The following COX7B2 variants were observed in gnomAD, a reference collection of about 807,000 sequenced individuals.
The protein encoded by COX7B2 is cytochrome c oxidase subunit 7B2, mitochondrial.
For missense variants in COX7B2, 109 were observed against 95.9 expected (o/e 1.14, Z -0.57); for synonymous variants, 37 against 32.1 (o/e 1.15, Z -0.51).
At chr4:46,850,462 G>C (rs1716603298) in intron 1 of COX7B2, among the ~76,000 whole-genome samples, 1 of 151,902 alleles carries the variant, frequency 6.6e-6, no homozygotes, top group Non-Finnish European at 1.5e-5. Context: ...AAAATTTCTT[G>C]TACTTTCAAA....
intron 2 of COX7B2, among the ~76,000 whole-genome samples, chr4:46,748,358 G>A (rs1715148119): frequency 6.6e-6 from 1 of 152,040 alleles, no homozygotes; most frequent in South Asian, 2.1e-4. Context: ...TTTAACTGAA[G>A]AAAATAGTCT....
intron 1 of COX7B2, among the ~76,000 whole-genome samples, chr4:46,855,384 C>G (rs1028182489): frequency 6.6e-6 from 1 of 151,850 alleles, no homozygotes; most frequent in African/African-American, 2.4e-5. Context: ...TGCCTGTGTA[C>G]TTTTCTCTCT....
chr4:46,751,248 T>G (rs1715355700), intron 2 of COX7B2, among the ~76,000 whole-genome samples: 1 of 152,112 alleles, frequency 6.6e-6, no homozygotes, highest in South Asian at 2.1e-4. Flanking sequence ...ATCTACTGTT[T>G]CAATTACTTC....
At chr4:46,810,041 A>G (rs1287957581) in intron 2 of COX7B2, among the ~76,000 whole-genome samples, 2 of 152,156 alleles carry the variant, frequency 1.3e-5, no homozygotes, top group Admixed American at 1.3e-4. Flanking sequence ...ATTCTATCAG[A>G]TAAGTATAGC....
chr4:46,846,879 T>A (rs796321510), intron 1 of COX7B2, among the ~76,000 whole-genome samples: 112 of 152,118 alleles, frequency 7.4e-4, no homozygotes, highest in African/African-American at 2.5e-3. Context: ...TCTGAGTAAC[T>A]GAGCTGGCAT....
intron 1 of COX7B2, among the ~76,000 whole-genome samples, chr4:46,862,566 T>C (rs932035454): frequency 6.6e-6 from 1 of 152,200 alleles, no homozygotes; most frequent in African/African-American, 2.4e-5. Flanking sequence ...TAAAACTGGG[T>C]TTAAAATTAT....
At chr4:46,755,884 G>T (rs1460809496) in intron 2 of COX7B2, among the ~76,000 whole-genome samples, 2 of 151,882 alleles carry the variant, frequency 1.3e-5, no homozygotes, top group Non-Finnish European at 2.9e-5. Flanking sequence ...TTATCACACA[G>T]CCCAAAATAA....
At chr4:46,759,909 A>T (rs573240819) in intron 2 of COX7B2, among the ~76,000 whole-genome samples, 61 of 150,860 alleles carry the variant, frequency 4.0e-4, no homozygotes, top group African/African-American at 1.5e-3. Context: ...GTCTTATCTT[A>T]TATAAGTTAT....
chr4:46,889,718 T>C (rs552328315), intron 1 of COX7B2, among the ~76,000 whole-genome samples: 2 of 152,312 alleles, frequency 1.3e-5, no homozygotes, highest in African/African-American at 4.8e-5. Context: ...AGTCAAATTC[T>C]CTCAGCTTTT....
Position 46,735,154 on chromosome 4 carries a change from G to C in COX7B2, c.39C>G (p.Leu13=), listed in dbSNP as rs1714287626. The C allele has an allele frequency of 6.2e-7, 1 of 1,613,386 alleles. No individual in the cohort carries two copies. The highest frequency in any genetic ancestry group is 8.5e-7 in the Non-Finnish European group (1 of 1,179,800). The change falls in exon 3 of 3, where the codon CTC becomes CTG. Residue 13 remains leucine, a synonymous_variant. Transcript: ENST00000355591. ...FPLARNALSS[L]KIQSILQSMA... ...TGCTTTGCAGAATGCTTTGAATCTT[G>C]AGACTGCTTAGTGCATTTCTGGCCA... is the stretch of plus-strand genomic sequence containing the variant.
intron 1 of COX7B2, among the ~76,000 whole-genome samples, chr4:46,861,188 C>T (rs910267901): frequency 2.6e-5 from 4 of 152,242 alleles, no homozygotes; most frequent in Non-Finnish European, 4.4e-5. Flanking sequence ...TCCTTTTATA[C>T]TTGGCTTAGT....
intron 1 of COX7B2, among the ~76,000 whole-genome samples, chr4:46,860,172 G>T (rs1215553389): frequency 1.3e-5 from 2 of 152,282 alleles, no homozygotes; most frequent in African/African-American, 2.4e-5. Context: ...AAGCGAGGTG[G>T]CAAGGCAGTG....
chr4:46,848,731 C>G (rs1193192864), intron 1 of COX7B2, among the ~76,000 whole-genome samples: 1 of 151,878 alleles, frequency 6.6e-6, no homozygotes, highest in Non-Finnish European at 1.5e-5. Context: ...TACACTTTAT[C>G]TATGTATATG....
chr4:46,844,923 G>A (rs1716171958), intron 2 of COX7B2, 37 bp downstream of exon 2: 2 of 151,932 alleles, frequency 1.3e-5, no homozygotes, highest in Non-Finnish European at 2.9e-5. Flanking sequence ...AAAGTGTAAT[G>A]TAGGTAGTGT....
At chr4:46,845,318 G>C (rs1270331960) in intron 1 of COX7B2, among the ~76,000 whole-genome samples, 2 of 151,766 alleles carry the variant, frequency 1.3e-5, no homozygotes, top group African/African-American at 2.4e-5. Flanking sequence ...CTACCTTCAT[G>C]AGTCACCACT....
At chr4:46,818,383 C>T (rs1347734188) in intron 2 of COX7B2, among the ~76,000 whole-genome samples, 1 of 152,068 alleles carries the variant, frequency 6.6e-6, no homozygotes, top group African/African-American at 2.4e-5. Context: ...CCTGTAAACC[C>T]AGCACTTTGG....
At chr4:46,782,520 G>A (rs569976164) in intron 2 of COX7B2, among the ~76,000 whole-genome samples, 138 of 147,904 alleles carry the variant, frequency 9.3e-4, no homozygotes, top group African/African-American at 3.2e-3. Context: ...TGTTGGGGGC[G>A]GGGGTCCCAT....
intron 2 of COX7B2, among the ~76,000 whole-genome samples, chr4:46,817,214 A>G (rs778964783): frequency 4.4e-4 from 67 of 152,324 alleles, no homozygotes; most frequent in Non-Finnish European, 7.2e-4. Flanking sequence ...AATAGGAAGA[A>G]TTAGAAGGAA....
chr4:46,859,107 T>C (rs774658188), intron 1 of COX7B2, among the ~76,000 whole-genome samples: 10 of 152,296 alleles, frequency 6.6e-5, no homozygotes, highest in Non-Finnish European at 1.3e-4. Context: ...TTAGATGAAA[T>C]AGTCCTTACC....
Sources: gnomAD v4.1 joint callset for allele counts (sites outside exome capture counted in the v4.1 genomes callset) on GRCh38, gnomAD v4.1.1 for gene constraint, MANE v1.5 for transcripts, NCBI Gene and HGNC (gene_info 2026-07-23, HGNC 2026-07-21) for gene names.